Variants in CDC42BPA observed in about 807,000 individuals in gnomAD.
CDC42BPA encodes the protein CDC42 binding protein kinase alpha.
CDC42BPA carries 80 observed loss-of-function variants against 223.5 expected under a neutral mutation model. The ratio of observed to expected loss-of-function variants is 0.36; its 90% confidence interval spans 0.30 to 0.43. The LOEUF is 0.43. Among genes scored for constraint, CDC42BPA ranks in the 20% least tolerant of loss-of-function variants. CDC42BPA has a pLI of 1.00. For synonymous variants in CDC42BPA, 694 were observed against 718.6 expected, an observed-to-expected ratio of 0.97 and a Z score of 0.55; for missense variants, 1,743 against 2,099.9, an observed-to-expected ratio of 0.83 and a Z score of 3.32.
chr1:227,089,854 T>A (rs1346725685), intron 16 of CDC42BPA, among the ~76,000 whole-genome samples: 21 of 152,270 alleles, frequency 1.4e-4, no homozygotes, highest in Non-Finnish European at 2.9e-5. Context: ...AATAATTGAA[T>A]GCAAAAATTT....
chr1:227,165,430 T>G (rs186582103), intron 5 of CDC42BPA, among the ~76,000 whole-genome samples: 85 of 152,160 alleles, frequency 5.6e-4, no homozygotes, highest in African/African-American at 2.0e-3. Flanking sequence ...GTTAGGCATT[T>G]AGTACACATA....
chr1:227,095,191 C>CT (rs1300951475), intron 15 of CDC42BPA, among the ~76,000 whole-genome samples: 4 of 152,128 alleles, frequency 2.6e-5, no homozygotes, highest in African/African-American at 9.7e-5. Flanking sequence ...GTTCAATGAA[C>CT]GTATACTTAA....
chr1:227,125,553 C>T (rs1018408464), intron 11 of CDC42BPA, among the ~76,000 whole-genome samples: 1 of 147,766 alleles, frequency 6.8e-6, no homozygotes, highest in Non-Finnish European at 1.5e-5. Flanking sequence ...GCTGAGATCG[C>T]GTCACTGCAC....
intron 14 of CDC42BPA, among the ~76,000 whole-genome samples, chr1:227,107,238 T>C (rs1484423419): frequency 6.6e-6 from 1 of 152,234 alleles, no homozygotes; most frequent in Non-Finnish European, 1.5e-5. Flanking sequence ...AGCAATGTTT[T>C]GTCATTTTTA....
In CDC42BPA at chr1:227,080,425, TAAG is replaced by T; in HGVS notation, c.2480+465_2480+467del. On this transcript the variant is annotated intron_variant, in intron 17 of 36. Coordinates refer to ENST00000366766, the MANE Select transcript of CDC42BPA (RefSeq NM_001394014.1). ...CTGATAAAACTAAAATGTAACCATT[TAAG>T]GTTTTAAAAATGCCATGTGTGAATT... Among the ~76,000 whole-genome samples, 6 of 152,272 alleles carry T rather than the reference TAAG, an allele frequency of 3.9e-5. 1 individual carries two copies. The highest frequency in any genetic ancestry group is 3.9e-4 in the Admixed American group (6 of 15,292).
At chr1:227,203,809 TGGGA>T (rs1672214221) in intron 3 of CDC42BPA, among the ~76,000 whole-genome samples, 1 of 152,202 alleles carries the variant, frequency 6.6e-6, no homozygotes, top group Non-Finnish European at 1.5e-5. Flanking sequence ...AATGGACTAT[TGGGA>T]TAAACAGGAA....
intron 11 of CDC42BPA, among the ~76,000 whole-genome samples, chr1:227,122,826 C>T (rs1043176510): frequency 1.3e-5 from 2 of 152,174 alleles, no homozygotes; most frequent in Non-Finnish European, 2.9e-5. Context: ...ATCCAGAATG[C>T]TCTGAACTTT....
At chr1:227,083,817 A>T (rs1198555865) in intron 16 of CDC42BPA, among the ~76,000 whole-genome samples, 1 of 152,154 alleles carries the variant, frequency 6.6e-6, no homozygotes, top group Non-Finnish European at 1.5e-5. Flanking sequence ...TACTCCTAAA[A>T]TGTAGGCTTT....
chr1:227,088,928 G>A (rs866413773), intron 16 of CDC42BPA, among the ~76,000 whole-genome samples: 1 of 152,032 alleles, frequency 6.6e-6, no homozygotes, highest in African/African-American at 2.4e-5. Flanking sequence ...GTTTCTCCAC[G>A]TTGGCCAGGC....
At chr1:227,277,312 G>A (rs1244576852) in intron 1 of CDC42BPA, among the ~76,000 whole-genome samples, 3 of 152,114 alleles carry the variant, frequency 2.0e-5, no homozygotes, top group Non-Finnish European at 4.4e-5. Flanking sequence ...ACTCCAGAAT[G>A]AGATGGATTT....
chr1:227,255,131 C>T (rs949238234), intron 1 of CDC42BPA, among the ~76,000 whole-genome samples: 14 of 152,116 alleles, frequency 9.2e-5, no homozygotes, highest in Admixed American at 2.6e-4. Context: ...TATTCTGCTG[C>T]CTCTAAGAGA....
chr1:227,060,033 T>TG (rs1553318021), intron 21 of CDC42BPA, among the ~76,000 whole-genome samples: 1 of 142,112 alleles, frequency 7.0e-6, no homozygotes, highest in African/African-American at 2.6e-5. Context: ...TTTTTTTGTT[T>TG]TTTTTTTTTT....
At chr1:227,081,099 C>G (rs780488092) in intron 16 of CDC42BPA, 82 bp from the exon 17 acceptor site, 29 of 1,399,378 alleles carry the variant, frequency 2.1e-5, no homozygotes, top group Non-Finnish European at 2.9e-5. Context: ...AATTTGATTA[C>G]TCAACATCAT....
At chr1:227,161,642 C>T (rs1485959404) in intron 5 of CDC42BPA, among the ~76,000 whole-genome samples, 1 of 152,290 alleles carries the variant, frequency 6.6e-6, no homozygotes, top group Non-Finnish European at 1.5e-5. Flanking sequence ...TTATGGCCCA[C>T]GGCCAAATCT....
intron 16 of CDC42BPA, among the ~76,000 whole-genome samples, chr1:227,089,640 T>TTTG (rs1553333590): frequency 7.1e-6 from 1 of 141,324 alleles, no homozygotes; most frequent in East Asian, 2.0e-4. Flanking sequence ...TTTTTTTTTT[T>TTTG]TTTTTTTTTT....
intron 2 of CDC42BPA, among the ~76,000 whole-genome samples, chr1:227,230,499 G>A (rs1217317541): frequency 6.6e-6 from 1 of 152,130 alleles, no homozygotes; most frequent in African/African-American, 2.4e-5. Context: ...GAATAATACT[G>A]TAACAGAGTT....
chr1:227,048,059 A>G, intron 22 of CDC42BPA, 49 bp from the exon 23 acceptor site: 2 of 1,088,754 alleles, frequency 1.8e-6, no homozygotes, highest in South Asian at 1.5e-5. Context: ...ACACTCCATT[A>G]ATTTCAAATA....
At chr1:227,291,394 C>G (rs1689669800) in intron 1 of CDC42BPA, among the ~76,000 whole-genome samples, 1 of 151,982 alleles carries the variant, frequency 6.6e-6, no homozygotes, top group South Asian at 2.1e-4. Context: ...ACTAAAAATA[C>G]AAAAATTACC....
chr1:227,100,985 T>C lies in CDC42BPA; in HGVS notation c.2249+7A>G. On this transcript the variant is annotated splice_region_variant and intron_variant, in intron 15 of 36. Coordinates refer to ENST00000366766, the MANE Select transcript of CDC42BPA (RefSeq NM_001394014.1). ...ATTTACTGTATAGTAAATAATGTGA[T>C]TCTTACCTTTCTCTTCTGGTTTTTT... 1 of 1,454,612 alleles carries C rather than the reference T, an allele frequency of 6.9e-7. No homozygotes were observed. Among genetic ancestry groups the C allele is most frequent in the South Asian group, 1.2e-5 (1 of 84,594 alleles). The allele number at this position is 1,454,612 out of a possible 1,614,324, so 90.1% of individuals were successfully genotyped here.
Sources: gnomAD v4.1 joint callset for allele counts (sites outside exome capture counted in the v4.1 genomes callset) on GRCh38, gnomAD v4.1.1 for gene constraint, MANE v1.5 for transcripts, NCBI Gene and HGNC (gene_info 2026-07-23, HGNC 2026-07-21) for gene names.